The following EFCAB6 variants were observed in gnomAD, a reference collection of about 807,000 sequenced individuals.
EFCAB6 encodes EF-hand calcium-binding domain-containing protein 6.
EFCAB6 carries 156 observed loss-of-function variants against 169.8 expected under a neutral mutation model. The observed-to-expected ratio is 0.92, with a 90% CI of 0.81 to 1.05. The LOEUF (loss-of-function observed/expected upper bound fraction) is 1.05, where lower values mean the gene tolerates loss of function less well. EFCAB6 is among the 50% of genes least tolerant of loss of function. The pLI is 0.00. For missense variants in EFCAB6, 1,800 were observed against 1,829.1 expected, an observed-to-expected ratio of 0.98 and a Z score of 0.29; for synonymous variants, 698 against 676.4, an observed-to-expected ratio of 1.03 and a Z score of -0.50.
chr22:43,786,710 T>TA (rs1169494473), intron 2 of EFCAB6, among the ~76,000 whole-genome samples: 3 of 147,852 alleles, frequency 2.0e-5, no homozygotes, highest in African/African-American at 5.0e-5. Flanking sequence ...CGAGACTCCA[T>TA]AAAAAAAATA....
chr22:43,661,389 T>C (rs2056995699), intron 17 of EFCAB6, among the ~76,000 whole-genome samples: 1 of 152,014 alleles, frequency 6.6e-6, no homozygotes, highest in South Asian at 2.1e-4. Flanking sequence ...AATAAATAAA[T>C]AAATAAAATG....
chr22:43,622,879 A>G (rs2147794419), intron 20 of EFCAB6, among the ~76,000 whole-genome samples: 1 of 152,304 alleles, frequency 6.6e-6, no homozygotes, highest in South Asian at 2.1e-4. Flanking sequence ...GTTCTACAGT[A>G]TTTCTCAAGA....
At chr22:43,710,375 A>G (rs2059118312) in intron 10 of EFCAB6, among the ~76,000 whole-genome samples, 1 of 152,230 alleles carries the variant, frequency 6.6e-6, no homozygotes. Context: ...TTGAGTATCA[A>G]TATAACAGCT....
Position 43,626,678 on chromosome 22 carries a change from T to A in EFCAB6, c.2234A>T (p.Asp745Val). 1 of 1,613,762 alleles carries A rather than the reference T, an allele frequency of 6.2e-7. No individual in the cohort carries two copies. The highest frequency in any genetic ancestry group is 8.5e-7 in the Non-Finnish European group (1 of 1,179,926). The change falls in exon 20 of 32, where the codon GAC becomes GTC. Residue 745 changes from aspartate (D) to valine (V), a missense_variant and splice_region_variant. Physicochemically the swap from Asp to Val is radical, Grantham distance 152 (BLOSUM62 -3). Coordinates refer to ENST00000262726, the MANE Select transcript of EFCAB6 (RefSeq NM_022785.4). Reference protein sequence around the residue: ...FPRRLKESFRDPYSAFFKTDA... With the variant: ...FPRRLKESFRVPYSAFFKTDA... ...TGTTTTAAAGAAGGCAGAGTAGGGGTCCTAAAAACAAAACACACACGTCAA... is the reference window on the plus strand; with the variant it reads ...TGTTTTAAAGAAGGCAGAGTAGGGGACCTAAAAACAAAACACACACGTCAA...
rs1219767986 is a variant in EFCAB6, at chr22:43,537,391, G to A, written c.4034C>T (p.Ala1345Val). The A allele has an allele frequency of 6.2e-7, 1 of 1,614,060 alleles. No individual in the cohort carries two copies. Among genetic ancestry groups the A allele is most frequent in the Non-Finnish European group, 8.5e-7 (1 of 1,180,012 alleles). The change falls in exon 29 of 32, where the codon GCC (alanine) becomes GTC (valine). Residue 1345 changes from alanine to valine, a missense_variant. Coordinates refer to ENST00000262726, the MANE Select transcript of EFCAB6 (RefSeq NM_022785.4). The surrounding 1 kb of genome is among the most constrained non-coding windows in gnomAD (Gnocchi z 4.3). ...KDVARQGDIN[A>V]SDFLALVEKF... ...TCTGAACGAACCCAGGAAATCGGAGGCGTTGATGTCCCCCTGTCTGGCCAC... is the reference window on the plus strand; with the variant it reads ...TCTGAACGAACCCAGGAAATCGGAGACGTTGATGTCCCCCTGTCTGGCCAC...
At chr22:43,796,042 C>T (rs1346570371) in intron 2 of EFCAB6, among the ~76,000 whole-genome samples, 2 of 151,344 alleles carry the variant, frequency 1.3e-5, no homozygotes, top group Non-Finnish European at 2.9e-5. Flanking sequence ...CACAGACACA[C>T]ACACCACACA....
At chr22:43,762,464 T>C (rs1025864600) in intron 5 of EFCAB6, among the ~76,000 whole-genome samples, 12 of 152,226 alleles carry the variant, frequency 7.9e-5, no homozygotes, top group African/African-American at 2.9e-4. Flanking sequence ...ACTCTATGTT[T>C]GGCCTCTGAA....
At chr22:43,731,170 G>A (rs1401915087) in intron 8 of EFCAB6, among the ~76,000 whole-genome samples, 1 of 152,172 alleles carries the variant, frequency 6.6e-6, no homozygotes, top group African/African-American at 2.4e-5. Flanking sequence ...GGCGTCGTAT[G>A]GAGGAGGCTG....
At chr22:43,725,052 G>C (rs1178996905) in intron 8 of EFCAB6, among the ~76,000 whole-genome samples, 1 of 151,964 alleles carries the variant, frequency 6.6e-6, no homozygotes, top group Non-Finnish European at 1.5e-5. Flanking sequence ...CAGCTGGCTG[G>C]CTTCTGAGGC....
chr22:43,678,300 C>A (rs900278180), intron 12 of EFCAB6, 137 bp from the exon 13 acceptor site: 11 of 726,494 alleles, frequency 1.5e-5, no homozygotes, highest in Non-Finnish European at 1.9e-5. Context: ...GCAAATACAT[C>A]GACTGATGAT....
intron 3 of EFCAB6, among the ~76,000 whole-genome samples, chr22:43,777,431 A>G (rs2061675960): frequency 6.6e-6 from 1 of 152,202 alleles, no homozygotes; most frequent in Non-Finnish European, 1.5e-5. Context: ...CACAGCCCTG[A>G]GGGGGAAGAA....
chr22:43,539,945 C>A (rs1481387324), intron 28 of EFCAB6, among the ~76,000 whole-genome samples, 182 bp downstream of exon 28: 1 of 152,202 alleles, frequency 6.6e-6, no homozygotes, highest in Non-Finnish European at 1.5e-5. Context: ...GTCTGCCCCC[C>A]TCCCAGGGAA....
At chr22:43,637,293 C>T (rs74824731) in intron 17 of EFCAB6, among the ~76,000 whole-genome samples, 7,153 of 152,298 alleles carry the variant, frequency 0.047, 190 homozygotes, top group African/African-American at 0.055. Flanking sequence ...GCAGTCTGGA[C>T]GTGGTTCTTG....
In EFCAB6 at chr22:43,730,412, T is replaced by A. The variant is rs138709032; in HGVS notation, c.757+1287A>T. Among the ~76,000 whole-genome samples, 4 of 149,906 alleles carry A rather than the reference T, an allele frequency of 2.7e-5. No homozygotes were observed. The East Asian group carries it at 8.1e-4, about 30-fold the overall frequency. On this transcript the variant is annotated intron_variant, in intron 8 of 31. Transcript: ENST00000262726. ...AATCAGACTAAGTACCAGAGGGCAA[T>A]GGAGCAAAGTCTACGACATATTGAA...
intron 20 of EFCAB6, among the ~76,000 whole-genome samples, chr22:43,621,022 A>G (rs971539987): frequency 2.0e-5 from 3 of 152,146 alleles, no homozygotes; most frequent in African/African-American, 7.2e-5. Flanking sequence ...ATCACACAAG[A>G]TATGTTCTCT....
chr22:43,607,640 A>G (rs1306345510), intron 22 of EFCAB6, among the ~76,000 whole-genome samples: 3 of 152,164 alleles, frequency 2.0e-5, no homozygotes, highest in Admixed American at 2.0e-4. Flanking sequence ...AAAACAACCC[A>G]CCTAATTCTA....
chr22:43,579,466 ATAGGCATCATTCTGTACATG>A (rs1378642681), intron 25 of EFCAB6, among the ~76,000 whole-genome samples: 1 of 140,538 alleles, frequency 7.1e-6, no homozygotes, highest in African/African-American at 2.7e-5. Context: ...TTCCATACAT[ATAGGCATCATTCTGTACATG>A]TAGGCATCAT....
At chr22:43,662,579 T>C (rs1014709658) in intron 17 of EFCAB6, among the ~76,000 whole-genome samples, 21 of 152,156 alleles carry the variant, frequency 1.4e-4, no homozygotes, top group Non-Finnish European at 2.8e-4. Flanking sequence ...CATTTTGCTA[T>C]ACTAATTGGG....
rs1349782485 is a variant in EFCAB6 at position 43,736,071 on chromosome 22, T to G, written c.508-78A>C. 2.9e-6 allele frequency: 4 copies of G among 1,360,674 alleles called. No homozygotes were observed. The African/African-American group carries it at 6.0e-5, about 20-fold the overall frequency. 84.3% of individuals were successfully genotyped at this position (1,360,674 alleles called of 1,614,324 possible). ...AAATGGTAATAAAAATGTGAAAGTTTTTTTTAATACTTTTTATAAAATAAA... is the reference window on the plus strand; with the variant it reads ...AAATGGTAATAAAAATGTGAAAGTTGTTTTTAATACTTTTTATAAAATAAA... On this transcript the variant is annotated intron_variant, in intron 6 of 31. Coordinates refer to ENST00000262726, the MANE Select transcript of EFCAB6 (RefSeq NM_022785.4).
Sources: gnomAD v4.1 joint callset for allele counts (sites outside exome capture counted in the v4.1 genomes callset) on GRCh38, gnomAD v4.1.1 for gene constraint, Gnocchi (gnomAD v3.1) non-coding constraint, MANE v1.5 for transcripts, NCBI Gene and HGNC (gene_info 2026-07-23, HGNC 2026-07-21) for gene names.